PPARA: variants seen among roughly 807,000 people sequenced by gnomAD.
The protein encoded by PPARA is peroxisome proliferator activated receptor alpha, also known as peroxisome proliferator-activated receptor alpha.
A neutral mutation model predicts 42.2 loss-of-function variants in PPARA; 22 were observed. That is an observed-to-expected ratio of 0.52 (90% CI 0.37 to 0.74). The LOEUF (loss-of-function observed/expected upper bound fraction) is 0.74. Among genes scored for constraint, PPARA ranks in the 30% least tolerant of loss-of-function variants. The probability of loss-of-function intolerance (pLI) is 0.00; values close to 1 mark genes in which losing one functional copy is unlikely to be tolerated. For missense variants in PPARA, 465 were observed against 608.2 expected (o/e 0.76, Z 2.48); for synonymous variants, 242 against 239.3 (o/e 1.01, Z -0.10).
intron 2 of PPARA, among the ~76,000 whole-genome samples, chr22:46,168,166 C>T (rs1324326704): frequency 6.6e-6 from 1 of 151,510 alleles, no homozygotes; most frequent in Non-Finnish European, 1.5e-5. Context: ...TCCTGGCTAA[C>T]ACGGTGAAAC....
intron 4 of PPARA, among the ~76,000 whole-genome samples, chr22:46,214,120 C>G (rs1247171485): frequency 6.6e-6 from 1 of 152,172 alleles, no homozygotes; most frequent in Non-Finnish European, 1.5e-5. Flanking sequence ...GTGCCATTTA[C>G]TGAGTTAACA....
rs190996180 is a variant in PPARA, at chr22:46,161,547, C to G, written c.-127+9577C>G. 2.6e-3 allele frequency among the ~76,000 whole-genome samples: 395 copies of G among 152,240 alleles called. 5 individuals are homozygous for G. Among genetic ancestry groups the G allele is most frequent in the Admixed American group, 5.3e-3 (81 of 15,300 alleles). On this transcript the variant is annotated intron_variant, in intron 2 of 8. Coordinates refer to ENST00000407236, the MANE Select transcript of PPARA (RefSeq NM_005036.6). This position sits in a 1 kb window ranked among gnomAD's most constrained non-coding sequence, Gnocchi z 4.8. Reference sequence around the variant, plus strand: ...GCTGCAGTGAACCAAGATTGTGCCACTGCACTCCAGCCTGGCAACAGCGAG... The same window carrying G: ...GCTGCAGTGAACCAAGATTGTGCCAGTGCACTCCAGCCTGGCAACAGCGAG...
At chr22:46,174,193 A>AGAGG (rs1928576251) in intron 2 of PPARA, among the ~76,000 whole-genome samples, 1 of 70,428 alleles carries the variant, frequency 1.4e-5, no homozygotes, top group Non-Finnish European at 2.2e-5. Flanking sequence ...AGGAAGAAAG[A>AGAGG]GAGAGAGAGA....
At chr22:46,229,954 A>G (rs1935753813) in intron 7 of PPARA, among the ~76,000 whole-genome samples, 1 of 152,234 alleles carries the variant, frequency 6.6e-6, no homozygotes, top group South Asian at 2.1e-4. Context: ...CAGAAACAGG[A>G]AACACTTCAG....
rs59842914 is a variant in PPARA, at chr22:46,196,271, T to C, written c.-42-2071T>C. On this transcript the variant is annotated intron_variant, in intron 3 of 8. Coordinates refer to ENST00000407236, the MANE Select transcript of PPARA (RefSeq NM_005036.6). This position sits in a 1 kb window ranked among gnomAD's most constrained non-coding sequence, Gnocchi z 5.6. ...GTTCGCTTTGCTAGTTGAAATAGCC[T>C]ACCATTGTCTGGGACTCACCCAGTT... Among the ~76,000 whole-genome samples the C allele has an allele frequency of 0.17, 25,708 of 152,202 alleles. 2,857 individuals are homozygous for C. Among genetic ancestry groups the C allele is most frequent in the African/African-American group, 0.32 (13,290 of 41,482 alleles).
In PPARA at chr22:46,242,215, G is replaced by C. The variant is rs1330758690; in HGVS notation, c.*6835G>C. 1 of 152,372 alleles carries C rather than the reference G, an allele frequency of 6.6e-6. No homozygotes were observed. The highest frequency in any genetic ancestry group is 1.5e-5 in the Non-Finnish European group (1 of 68,036). 9.4% of individuals were successfully genotyped at this position (152,372 alleles called of 1,614,324 possible). ...CTAGGAAAAGTGGTGACCGGGCGTGGGGGGGCATGCCGCAGCCCTGGGACA... is the reference window on the plus strand; with the variant it reads ...CTAGGAAAAGTGGTGACCGGGCGTGCGGGGGCATGCCGCAGCCCTGGGACA... On this transcript the variant is annotated 3_prime_UTR_variant, in exon 9 of 9. Transcript: ENST00000407236. This position sits in a 1 kb window ranked among gnomAD's most constrained non-coding sequence, Gnocchi z 6.1.
In PPARA at chr22:46,230,706, T is replaced by G. The variant is rs557755097; in HGVS notation, c.712-1086T>G. Among the ~76,000 whole-genome samples, 12 of 152,312 alleles carry G rather than the reference T, an allele frequency of 7.9e-5. No homozygotes were observed. Among genetic ancestry groups the G allele is most frequent in the Non-Finnish European group, 1.2e-4 (8 of 68,036 alleles). ...GGGAGTTGGCACTTGCTCCAGAATATGGAGCACCGAGTGAAGGTTTCAGTT... is the reference window on the plus strand; with the variant it reads ...GGGAGTTGGCACTTGCTCCAGAATAGGGAGCACCGAGTGAAGGTTTCAGTT... On this transcript the variant is annotated intron_variant, in intron 7 of 8. Coordinates refer to ENST00000407236, the MANE Select transcript of PPARA (RefSeq NM_005036.6). The surrounding 1 kb of genome is among the most constrained non-coding windows in gnomAD (Gnocchi z 5.0).
In PPARA at chr22:46,191,982, T is replaced by C. The variant is rs1273099752; in HGVS notation, c.-42-6360T>C. The stretch of plus-strand genomic sequence containing the variant: ...CAGGAGGCTGAGGCAGGAGAATCAC[T>C]TGAACCCGTGAAACGGAAGTTGCGG... On this transcript the variant is annotated intron_variant, in intron 3 of 8. Transcript: ENST00000407236. The surrounding 1 kb of genome is among the most constrained non-coding windows in gnomAD (Gnocchi z 4.6). Among the ~76,000 whole-genome samples, 1 of 152,176 alleles carries C rather than the reference T, an allele frequency of 6.6e-6. No homozygotes were observed. Among genetic ancestry groups the C allele is most frequent in the Non-Finnish European group, 1.5e-5 (1 of 68,020 alleles).
chr22:46,158,290 C>T (rs537903724), intron 2 of PPARA, among the ~76,000 whole-genome samples: 1 of 152,002 alleles, frequency 6.6e-6, no homozygotes, highest in Admixed American at 6.6e-5. Flanking sequence ...GCCTGTAATC[C>T]CAGCTACTCA....
intron 7 of PPARA, among the ~76,000 whole-genome samples, chr22:46,226,818 G>T (rs962747434): frequency 6.6e-6 from 1 of 151,968 alleles, no homozygotes; most frequent in East Asian, 1.9e-4. Context: ...CTGTGGTTGC[G>T]CCACTGTACT....
chr22:46,204,634 C>T lies in PPARA; in HGVS notation c.208+6043C>T, dbSNP rs746600798. Among the ~76,000 whole-genome samples the T allele has an allele frequency of 1.3e-5, 2 of 152,056 alleles. No homozygotes were observed. Among genetic ancestry groups the T allele is most frequent in the Non-Finnish European group, 2.9e-5 (2 of 68,006 alleles). On this transcript the variant is annotated intron_variant, in intron 4 of 8. Coordinates refer to ENST00000407236, the MANE Select transcript of PPARA (RefSeq NM_005036.6). This position sits in a 1 kb window ranked among gnomAD's most constrained non-coding sequence, Gnocchi z 5.2. ...TCCCTGGTGATTTTGAGCATCTTTTCGTATGCTTATTTGCCATATATCTTC... is the reference window on the plus strand; with the variant it reads ...TCCCTGGTGATTTTGAGCATCTTTTTGTATGCTTATTTGCCATATATCTTC...
chr22:46,223,811 A>G (rs946899227), intron 7 of PPARA, among the ~76,000 whole-genome samples: 3 of 151,042 alleles, frequency 2.0e-5, no homozygotes, highest in African/African-American at 7.3e-5. Context: ...TTAGCCGGGC[A>G]TGGCAGTGTG....
In PPARA at chr22:46,175,364, C is replaced by A. The variant is rs546721529; in HGVS notation, c.-126-1389C>A. 4.6e-5 allele frequency among the ~76,000 whole-genome samples: 7 copies of A among 152,276 alleles called. No homozygotes were observed. In the East Asian group the frequency reaches 1.4e-3, roughly 29 times the overall value. ...CAAACCCACTTCTCTCCTACCTTCC[C>A]ATCCCTTTTTTAATTTTGCCAGTCA... On this transcript the variant is annotated intron_variant, in intron 2 of 8. Transcript: ENST00000407236.
Position 46,182,100 on chromosome 22 carries a change from C to A in PPARA, c.-43+5264C>A, listed in dbSNP as rs1000246650. ...ACCTCAGACAGTCTGCCTGCCTTGG[C>A]CTCCCAAAGTGCTGGGATTACAGGT... On this transcript the variant is annotated intron_variant, in intron 3 of 8. Coordinates refer to ENST00000407236, the MANE Select transcript of PPARA (RefSeq NM_005036.6). This position sits in a 1 kb window ranked among gnomAD's most constrained non-coding sequence, Gnocchi z 5.2. Among the ~76,000 whole-genome samples, 5 of 152,184 alleles carry A rather than the reference C, an allele frequency of 3.3e-5. No individual in the cohort carries two copies. The highest frequency in any genetic ancestry group is 5.9e-5 in the Non-Finnish European group (4 of 68,016).
At chr22:46,226,135 C>T (rs1260375610) in intron 7 of PPARA, among the ~76,000 whole-genome samples, 2 of 149,788 alleles carry the variant, frequency 1.3e-5, no homozygotes, top group East Asian at 1.9e-4. Flanking sequence ...ACACACGTAC[C>T]CACACATATA....
rs575811356 is a variant in PPARA at position 46,198,496 on chromosome 22, C to T, written c.113C>T (p.Ser38Leu). The change falls in exon 4 of 9, where the codon TCG (serine) becomes TTG (leucine). Residue 38 changes from serine to leucine, a missense_variant. Transcript: ENST00000407236. ...LQEMGNIQEI[S>L]QSIGEDSSGS... ...GAAATGGGAAACATCCAAGAGATTTCGCAATCCATCGGCGAGGATAGTTCT... is the reference window on the plus strand; with the variant it reads ...GAAATGGGAAACATCCAAGAGATTTTGCAATCCATCGGCGAGGATAGTTCT... 29 of 1,613,802 alleles carry T rather than the reference C, an allele frequency of 1.8e-5. No homozygotes were observed. In the South Asian group the frequency reaches 2.5e-4, roughly 14 times the overall value.
intron 4 of PPARA, among the ~76,000 whole-genome samples, chr22:46,199,260 A>T (rs1932735454): frequency 6.6e-6 from 1 of 152,158 alleles, no homozygotes; most frequent in African/African-American, 2.4e-5. Context: ...AGGATGGGAA[A>T]CAAGCTGTAC....
At chr22:46,168,325 C>A (rs1261390852) in intron 2 of PPARA, among the ~76,000 whole-genome samples, 1 of 113,882 alleles carries the variant, frequency 8.8e-6, no homozygotes, top group Non-Finnish European at 1.7e-5. Context: ...GCACTCCAGC[C>A]TGGACAACAG....
At chr22:46,186,759 G>A (rs1739907143) in intron 3 of PPARA, among the ~76,000 whole-genome samples, 2 of 152,038 alleles carry the variant, frequency 1.3e-5, no homozygotes, top group Non-Finnish European at 2.9e-5. Flanking sequence ...GAGGTTCAAA[G>A]AAATGTACAG....
Sources: allele counts gnomAD v4.1 joint callset (sites outside exome capture counted in the v4.1 genomes callset), GRCh38; gene constraint gnomAD v4.1.1; non-coding constraint Gnocchi (gnomAD v3.1); transcripts MANE v1.5; gene names NCBI Gene and HGNC (gene_info 2026-07-23, HGNC 2026-07-21).